Variants in COPZ2 observed in about 807,000 individuals in gnomAD.
The protein encoded by COPZ2 is coat protein complex I subunit zeta 2.
In COPZ2, 30 loss-of-function variants were observed where a neutral mutation model predicts 33.2. The observed-to-expected ratio is 0.90, with a 90% CI of 0.68 to 1.23. The LOEUF (loss-of-function observed/expected upper bound fraction) is 1.23. Ranked by LOEUF, COPZ2 falls within the 50% of genes most tolerant of loss-of-function variation. The pLI is 0.00. For missense variants in COPZ2, 263 were observed against 262.4 expected, an observed-to-expected ratio of 1.00 and a Z score of -0.02; for synonymous variants, 89 against 102.6, an observed-to-expected ratio of 0.87 and a Z score of 0.80.
the COPZ2 span, chr17:48,043,438 G>T: frequency 2.4e-6 from 2 of 819,862 alleles, no homozygotes; most frequent in Non-Finnish European, 2.9e-6. Flanking sequence ...TTGGGTACCA[G>T]CCTCTCTCTA....
At chr17:48,038,674 C>T (rs1181519738), upstream of COPZ2, among the ~76,000 whole-genome samples, 5 of 152,202 alleles carry the variant, frequency 3.3e-5, no homozygotes, top group Non-Finnish European at 7.3e-5. Context: ...CTTTTCAAGA[C>T]TATACAGCTA....
chr17:48,033,804 G>C (rs1461765517), intron 3 of COPZ2, 59 bp downstream of exon 3: 2 of 1,311,658 alleles, frequency 1.5e-6, no homozygotes, highest in African/African-American at 1.5e-5. Context: ...GATGTGTCCA[G>C]ATGGAGAAGA....
Position 48,032,159 on chromosome 17 carries a change from C to G in COPZ2, c.491G>C (p.Gly164Ala), listed in dbSNP as rs901930621. ...AFLVLDEIVD[G>A]GVILESDPQQ... The stretch of plus-strand genomic sequence containing the variant: ...TCCCTGACTGTCCCCTCCTCACCCG[C>G]CATCCACAATCTCGTCCAGCACCAA... Residue 164 changes from glycine (G) to alanine (A), a missense_variant, in exon 6 of 9, where the codon GGC (glycine) becomes GCC (alanine). Physicochemically the swap from Gly to Ala is moderately conservative, Grantham distance 60. Transcript: ENST00000621465. The G allele has an allele frequency of 1.9e-6, 3 of 1,612,894 alleles. No homozygotes were observed. The South Asian group carries it at 3.3e-5, about 18-fold the overall frequency.
chr17:48,037,808 C>CCCGCCGCCTGCCCGCCG (rs1783464849), upstream of COPZ2: 1 of 983,676 alleles, frequency 1.0e-6, no homozygotes, highest in South Asian at 4.5e-5. The surrounding 1 kb of genome is among the most constrained non-coding windows in gnomAD (Gnocchi z 5.6). Flanking sequence ...GACAGCGCCG[C>CCCGCCGCCTGCCCGCCG]CCGCCGCCTG....
At chr17:48,029,245 G>T in intron 6 of COPZ2, 69 bp from the exon 7 acceptor site, 2 of 1,424,942 alleles carry the variant, frequency 1.4e-6, no homozygotes, top group South Asian at 1.2e-5. Flanking sequence ...CCTTCTCCTT[G>T]CCAAGCCTCT....
At chr17:48,044,598 G>C in the COPZ2 span, among the ~76,000 whole-genome samples, 4 of 151,958 alleles carry the variant, frequency 2.6e-5, no homozygotes, top group African/African-American at 4.8e-5. Context: ...CTACCCACCT[G>C]GGTGATTCTA....
the COPZ2 span, among the ~76,000 whole-genome samples, chr17:48,043,900 CTACCTGG>C: frequency 1.3e-5 from 2 of 152,210 alleles, no homozygotes; most frequent in African/African-American, 4.8e-5. Context: ...ATGAAGAACA[CTACCTGG>C]TATTGTTTGA....
upstream of COPZ2, among the ~76,000 whole-genome samples, chr17:48,041,384 T>C (rs549427722): frequency 2.6e-5 from 4 of 152,230 alleles, no homozygotes; most frequent in East Asian, 7.7e-4. Context: ...TGGGGATAAG[T>C]GCTGCAAAGA....
chr17:48,037,798 G>C, upstream of COPZ2: 1 of 987,760 alleles, frequency 1.0e-6, no homozygotes, highest in Middle Eastern at 5.2e-4. This position sits in a 1 kb window ranked among gnomAD's most constrained non-coding sequence, Gnocchi z 5.6. Context: ...GCCTCGCACT[G>C]ACAGCGCCGC....
the COPZ2 span, among the ~76,000 whole-genome samples, chr17:48,043,100 G>T: frequency 6.6e-6 from 1 of 152,182 alleles, no homozygotes; most frequent in African/African-American, 2.4e-5. Context: ...TCCCCAGCTC[G>T]AGGAAGCCAA....
At chr17:48,044,807 A>G in the COPZ2 span, among the ~76,000 whole-genome samples, 4 of 152,184 alleles carry the variant, frequency 2.6e-5, no homozygotes, top group Admixed American at 2.0e-4. Context: ...ACATGCTAAC[A>G]TTTAGTATTG....
At chr17:48,038,552 G>A (rs999377614), upstream of COPZ2, among the ~76,000 whole-genome samples, 1 of 152,176 alleles carries the variant, frequency 6.6e-6, no homozygotes, top group Non-Finnish European at 1.5e-5. Context: ...AACACTGTGC[G>A]TGTATTTTAC....
At position 48,029,477 on chromosome 17, in the gene COPZ2, C is replaced by A. The variant is rs1021111997; in HGVS notation, c.495-301G>T. ...TCAGGTTGTCAAAAGCAGGGACTCTCAAAACTCAGAGCTCTTGAAAGTTCA... is the reference window on the plus strand; with the variant it reads ...TCAGGTTGTCAAAAGCAGGGACTCTAAAAACTCAGAGCTCTTGAAAGTTCA... On this transcript the variant is annotated intron_variant, in intron 6 of 8. Coordinates refer to ENST00000621465, the MANE Select transcript of COPZ2 (RefSeq NM_016429.4). The A allele has an allele frequency of 3.4e-5, 16 of 472,750 alleles. No homozygotes were observed. The Admixed American group carries it at 3.8e-4, about 11-fold the overall frequency. The allele number at this position is 472,750 out of a possible 1,614,324, so 29.3% of individuals were successfully genotyped here. A position where few individuals can be genotyped will look rare whatever the true frequency, so the allele number is the denominator to read the frequency against.
upstream of COPZ2, among the ~76,000 whole-genome samples, chr17:48,039,859 C>A (rs1453567480): frequency 1.3e-5 from 2 of 152,122 alleles, no homozygotes; most frequent in Admixed American, 1.3e-4. Flanking sequence ...CGGTGGCTCA[C>A]GCCTGTAATT....
chr17:48,037,126 G>T lies in COPZ2; in HGVS notation c.112-201C>A, dbSNP rs1567743608. ...CTCCCAGGCAGATGTTCCACTGCAG[G>T]CCCCGAGTGGGCGCTGTGCCCGTTG... On this transcript the variant is annotated intron_variant, in intron 1 of 8. Transcript: ENST00000621465. The surrounding 1 kb of genome is among the most constrained non-coding windows in gnomAD (Gnocchi z 5.6). 1.3e-6 allele frequency: 1 copy of T among 769,810 alleles called. No individual in the cohort carries two copies. Among genetic ancestry groups the T allele is most frequent in the Non-Finnish European group, 2.4e-6 (1 of 412,862 alleles). The allele number at this position is 769,810 out of a possible 1,614,324, so 47.7% of individuals were successfully genotyped here.
chr17:48,035,985 C>T lies in COPZ2; in HGVS notation c.186+866G>A, dbSNP rs186213784. 5.3e-3 allele frequency among the ~76,000 whole-genome samples: 799 copies of T among 151,514 alleles called. 4 individuals are homozygous for T. Among genetic ancestry groups the T allele is most frequent in the Non-Finnish European group, 9.0e-3 (613 of 67,858 alleles). On this transcript the variant is annotated intron_variant, in intron 2 of 8. Transcript: ENST00000621465. The stretch of plus-strand genomic sequence containing the variant: ...GTCCAGGCTGGTTTCGAACTCCTGA[C>T]CTCAAGTGATCTGCCCGCCTTGGCC...
chr17:48,042,265 C>A (rs2037069664), upstream of COPZ2, among the ~76,000 whole-genome samples: 1 of 151,840 alleles, frequency 6.6e-6, no homozygotes, highest in East Asian at 1.9e-4. Flanking sequence ...TCCTGAGTAG[C>A]TGGGATTACA....
At chr17:48,039,470 C>CAAA (rs554792080), upstream of COPZ2, among the ~76,000 whole-genome samples, 1 of 103,212 alleles carries the variant, frequency 9.7e-6, no homozygotes, top group African/African-American at 3.3e-5. Context: ...GAATCTGTTT[C>CAAA]AAAAAAAAAA....
chr17:48,036,174 A>C lies in COPZ2; in HGVS notation c.186+677T>G, dbSNP rs571309859. The stretch of plus-strand genomic sequence containing the variant: ...GTTCGCTCAGGCCATGTTTGCTAGG[A>C]TAGATAACAGCTAATTGAATGGGGG... On this transcript the variant is annotated intron_variant, in intron 2 of 8. Transcript: ENST00000621465. Among the ~76,000 whole-genome samples, 6 of 152,350 alleles carry C rather than the reference A, an allele frequency of 3.9e-5. No individual in the cohort carries two copies. The South Asian group carries it at 6.2e-4, about 16-fold the overall frequency.
Sources: allele counts gnomAD v4.1 joint callset (sites outside exome capture counted in the v4.1 genomes callset), GRCh38; gene constraint gnomAD v4.1.1; non-coding constraint Gnocchi (gnomAD v3.1); transcripts MANE v1.5; gene names NCBI Gene and HGNC (gene_info 2026-07-23, HGNC 2026-07-21).